Variants in PTPRT observed in about 807,000 individuals in gnomAD.
The protein encoded by PTPRT is receptor-type tyrosine-protein phosphatase T.
Under a neutral mutation model 176.8 loss-of-function variants are expected in PTPRT, and 56 were observed. That is an observed-to-expected ratio of 0.32 (90% CI 0.26 to 0.40). PTPRT has a LOEUF of 0.40. Ranked by LOEUF, PTPRT falls within the 10% of genes least tolerant of loss-of-function variation. The pLI is 1.00. For synonymous variants in PTPRT, 783 were observed against 739.0 expected (o/e 1.06, Z -0.96); for missense variants, 1,540 against 1,908.2 (o/e 0.81, Z 3.60).
At chr20:43,141,138 C>T (rs1004869036) in intron 1 of PTPRT, among the ~76,000 whole-genome samples, 4 of 152,162 alleles carry the variant, frequency 2.6e-5, no homozygotes, top group Non-Finnish European at 4.4e-5. Flanking sequence ...TTTAAATTTC[C>T]GTGGCTAACA....
chr20:43,151,728 T>A (rs2014361845), intron 1 of PTPRT, among the ~76,000 whole-genome samples: 1 of 152,020 alleles, frequency 6.6e-6, no homozygotes. Flanking sequence ...CCAGGCATGG[T>A]GGCACATATC....
At chr20:42,258,254 G>C (rs6016728) in intron 13 of PTPRT, among the ~76,000 whole-genome samples, 1 of 152,022 alleles carries the variant, frequency 6.6e-6, no homozygotes, top group African/African-American at 2.4e-5. Context: ...TCATGCCCTC[G>C]CACCCACGTA....
At chr20:42,699,072 C>A (rs60886646) in intron 6 of PTPRT, among the ~76,000 whole-genome samples, 11,664 of 152,158 alleles carry the variant, frequency 0.077, 486 homozygotes, top group South Asian at 0.16. Flanking sequence ...ATGATGTTTT[C>A]TTTGCAAACA....
intron 1 of PTPRT, among the ~76,000 whole-genome samples, chr20:42,956,794 T>C (rs1981671972): frequency 6.6e-6 from 1 of 152,100 alleles, no homozygotes. Context: ...CGGTCAGGAC[T>C]ATGCACTGGC....
chr20:42,713,305 C>G (rs1030991048), intron 6 of PTPRT, among the ~76,000 whole-genome samples: 1 of 151,850 alleles, frequency 6.6e-6, no homozygotes, highest in African/African-American at 2.4e-5. Context: ...TATATTACCA[C>G]AAAAAAATGA....
rs1433216830 is a variant in PTPRT at position 42,618,516 on chromosome 20, ATCTG to A, written c.1153+59346_1153+59349del. Among the ~76,000 whole-genome samples, 16 of 134,182 alleles carry A rather than the reference ATCTG, an allele frequency of 1.2e-4. 3 individuals are homozygous for A. The highest frequency in any genetic ancestry group is 5.4e-4 in the African/African-American group (16 of 29,604). The allele number at this position is 134,182 out of a possible 152,430, so 88.0% of individuals were successfully genotyped here. On this transcript the variant is annotated intron_variant, in intron 7 of 30. Coordinates refer to ENST00000373187, the MANE Select transcript of PTPRT (RefSeq NM_007050.6). ...ATCCTTGTTGACTTTCTGTCCGTTG[ATCTG>A]TCTAATGTTGACAGGGGGGTGTTAA...
chr20:42,311,859 A>G (rs958463763), intron 12 of PTPRT, among the ~76,000 whole-genome samples: 1 of 152,204 alleles, frequency 6.6e-6, no homozygotes, highest in Non-Finnish European at 1.5e-5. Context: ...GTTTAAAAGA[A>G]CTATACTTTT....
At chr20:42,180,344 C>T (rs73909231) in intron 16 of PTPRT, among the ~76,000 whole-genome samples, 5,220 of 152,212 alleles carry the variant, frequency 0.034, 287 homozygotes, top group African/African-American at 0.12. Context: ...TGACATGGCT[C>T]ACATCTGTTA....
At chr20:42,614,502 T>G (rs1457755644) in intron 7 of PTPRT, among the ~76,000 whole-genome samples, 1 of 152,070 alleles carries the variant, frequency 6.6e-6, no homozygotes, top group Non-Finnish European at 1.5e-5. Flanking sequence ...AGTGATAGCG[T>G]GGGTTCCAGT....
At chr20:43,001,482 C>CAA (rs11345196) in intron 1 of PTPRT, among the ~76,000 whole-genome samples, 1 of 146,148 alleles carries the variant, frequency 6.8e-6, no homozygotes, top group Non-Finnish European at 1.5e-5. Context: ...ATAACAACAA[C>CAA]AAAAAAAAAA....
chr20:42,443,024 G>T (rs1324425835), intron 9 of PTPRT, among the ~76,000 whole-genome samples: 1 of 152,138 alleles, frequency 6.6e-6, no homozygotes, highest in Non-Finnish European at 1.5e-5. Context: ...AAACCCAAAA[G>T]CAGGGTTCTG....
At chr20:42,935,415 C>T (rs1980126833) in intron 1 of PTPRT, among the ~76,000 whole-genome samples, 1 of 152,058 alleles carries the variant, frequency 6.6e-6, no homozygotes, top group South Asian at 2.1e-4. Flanking sequence ...AATGGGATTA[C>T]AGACATGAGC....
chr20:42,855,590 C>A (rs932860359), intron 2 of PTPRT, among the ~76,000 whole-genome samples: 1 of 145,546 alleles, frequency 6.9e-6, no homozygotes, highest in African/African-American at 2.7e-5. Flanking sequence ...CGCCACCACA[C>A]CCAGCTGATT....
intron 7 of PTPRT, among the ~76,000 whole-genome samples, chr20:42,654,335 A>C (rs2075085488): frequency 6.6e-6 from 1 of 152,182 alleles, no homozygotes; most frequent in African/African-American, 2.4e-5. Context: ...GAAAACAAAA[A>C]ACAAAAAACA....
chr20:42,701,089 C>CT (rs3092512), intron 6 of PTPRT, among the ~76,000 whole-genome samples: 72,747 of 151,986 alleles, frequency 0.48, 19,458 homozygotes, highest in African/African-American at 0.73. Flanking sequence ...CACCTGACAA[C>CT]TCAGTTTAGT....
chr20:42,767,498 T>C (rs965021925), intron 5 of PTPRT, among the ~76,000 whole-genome samples: 5 of 152,008 alleles, frequency 3.3e-5, no homozygotes, highest in African/African-American at 1.2e-4. Flanking sequence ...CTTCTCAGTT[T>C]CCACAGTCAC....
At chr20:42,421,090 T>A (rs1445746205) in intron 9 of PTPRT, among the ~76,000 whole-genome samples, 1 of 152,176 alleles carries the variant, frequency 6.6e-6, no homozygotes, top group African/African-American at 2.4e-5. Context: ...TTCTTTATCT[T>A]TTAATTCTCC....
Position 42,973,175 on chromosome 20 carries a change from G to A in PTPRT, c.89-87243C>T, listed in dbSNP as rs115549398. On this transcript the variant is annotated intron_variant, in intron 1 of 30. Transcript: ENST00000373187. ...AGGGTGGAGCCAAGAGTGTGAGAGG[G>A]AGAAAGGAAGAATGAGGAATCGTGG... Among the ~76,000 whole-genome samples the A allele has an allele frequency of 6.7e-3, 1,025 of 152,012 alleles. 4 individuals carry two copies. The highest frequency in any genetic ancestry group is 9.8e-3 in the Non-Finnish European group (665 of 67,980).
intron 9 of PTPRT, among the ~76,000 whole-genome samples, chr20:42,354,598 T>C (rs536648731): frequency 1.6e-3 from 246 of 152,346 alleles, no homozygotes; most frequent in Middle Eastern, 0.01. Flanking sequence ...TGTGTGCTGC[T>C]GGAGAGGTGC....
Sources: gnomAD v4.1 joint callset for allele counts (sites outside exome capture counted in the v4.1 genomes callset) on GRCh38, gnomAD v4.1.1 for gene constraint, MANE v1.5 for transcripts, NCBI Gene and HGNC (gene_info 2026-07-23, HGNC 2026-07-21) for gene names.